SH3RF3: variants seen among roughly 807,000 people sequenced by gnomAD.
The protein encoded by SH3RF3 is E3 ubiquitin-protein ligase SH3RF3.
SH3RF3 carries 29 observed loss-of-function variants against 66.3 expected under a neutral mutation model. That is an observed-to-expected ratio of 0.44 (90% confidence interval 0.33 to 0.60). The LOEUF (loss-of-function observed/expected upper bound fraction) is 0.60. SH3RF3 is among the 20% of genes least tolerant of loss of function. The pLI, the probability that SH3RF3 is intolerant of heterozygous loss-of-function variation, is 0.04. For synonymous variants in SH3RF3, 583 were observed against 532.0 expected (o/e 1.10, Z -1.32); for missense variants, 1,194 against 1,190.9 (o/e 1.00, Z -0.04).
intron 9 of SH3RF3, among the ~76,000 whole-genome samples, chr2:109,494,118 A>G (rs1679197227): frequency 6.6e-6 from 1 of 152,186 alleles, no homozygotes; most frequent in African/African-American, 2.4e-5. Flanking sequence ...CTTCTTCCCC[A>G]GACCCCTCAA....
intron 4 of SH3RF3, among the ~76,000 whole-genome samples, chr2:109,415,402 A>C (rs2104503999): frequency 6.6e-6 from 1 of 152,204 alleles, no homozygotes; most frequent in South Asian, 2.1e-4. Flanking sequence ...TTCCAGGGGG[A>C]GTGCTCAGAG....
chr2:109,323,348 T>C (rs1682074558), intron 1 of SH3RF3, among the ~76,000 whole-genome samples: 1 of 152,210 alleles, frequency 6.6e-6, no homozygotes, highest in Non-Finnish European at 1.5e-5. Flanking sequence ...GATACCTGTA[T>C]GACTCCAGCT....
chr2:109,347,746 A>G lies in SH3RF3; in HGVS notation c.646A>G (p.Asn216Asp). Residue 216 changes from asparagine to aspartate, a missense_variant, in exon 2 of 10, where the codon AAC becomes GAC. Asn to Asp is a conservative substitution (Grantham distance 23, BLOSUM62 1). Transcript: ENST00000309415. ...EGKEPGDLKF[N>D]KGDIIVLRRK... ...GAAGGAACCTGGTGACCTCAAGTTC[A>G]ACAAGGGGGACATCATCGTCCTGCG... 1.2e-6 allele frequency: 2 copies of G among 1,613,948 alleles called. No individual in the cohort carries two copies. The highest frequency in any genetic ancestry group is 2.2e-5 in the South Asian group (2 of 91,084).
chr2:109,237,386 G>A (rs911459325), intron 1 of SH3RF3, among the ~76,000 whole-genome samples: 3 of 152,136 alleles, frequency 2.0e-5, no homozygotes, highest in Admixed American at 1.3e-4. Context: ...GTAACAAAGA[G>A]TATAAAAAAG....
chr2:109,485,192 TG>T (rs1440806018), intron 8 of SH3RF3, among the ~76,000 whole-genome samples: 1 of 152,220 alleles, frequency 6.6e-6, no homozygotes, highest in Non-Finnish European at 1.5e-5. Context: ...TCTTAAATAT[TG>T]CCTGAGGCAA....
intron 1 of SH3RF3, among the ~76,000 whole-genome samples, chr2:109,148,686 G>A (rs1677154711): frequency 6.6e-6 from 1 of 152,216 alleles, no homozygotes; most frequent in Admixed American, 6.5e-5. Flanking sequence ...ATGCTGAAAA[G>A]TGCATTCATG....
intron 8 of SH3RF3, among the ~76,000 whole-genome samples, chr2:109,471,516 G>A (rs1042541524): frequency 6.6e-6 from 1 of 152,090 alleles, no homozygotes; most frequent in African/African-American, 2.4e-5. Flanking sequence ...TGACACATGG[G>A]GATTACAATT....
chr2:109,279,614 T>C (rs959967357), intron 1 of SH3RF3, among the ~76,000 whole-genome samples: 1 of 152,148 alleles, frequency 6.6e-6, no homozygotes, highest in Admixed American at 6.5e-5. Context: ...ATACCTTTCT[T>C]CCCCACCCCT....
intron 2 of SH3RF3, among the ~76,000 whole-genome samples, chr2:109,351,519 T>C (rs1682836985): frequency 6.6e-6 from 1 of 152,264 alleles, no homozygotes; most frequent in African/African-American, 2.4e-5. Context: ...AAGGGTTTAT[T>C]GAACCTCTTC....
chr2:109,325,408 C>A (rs1057436551), intron 1 of SH3RF3, among the ~76,000 whole-genome samples: 1 of 122,888 alleles, frequency 8.1e-6, no homozygotes, highest in African/African-American at 3.1e-5. Context: ...GTGGTGTGAT[C>A]ATGGCTCACT....
chr2:109,321,279 T>C (rs1055066555), intron 1 of SH3RF3, among the ~76,000 whole-genome samples: 2 of 152,212 alleles, frequency 1.3e-5, no homozygotes, highest in Non-Finnish European at 2.9e-5. Flanking sequence ...CGCCATTCCT[T>C]TATTGTCTTG....
chr2:109,208,995 A>G (rs2105098673), intron 1 of SH3RF3, among the ~76,000 whole-genome samples: 1 of 152,340 alleles, frequency 6.6e-6, no homozygotes, highest in South Asian at 2.1e-4. Flanking sequence ...CAGAGGCCCG[A>G]CATCAACACG....
intron 1 of SH3RF3, among the ~76,000 whole-genome samples, chr2:109,172,029 G>A (rs974697875): frequency 3.9e-5 from 6 of 152,230 alleles, no homozygotes; most frequent in Non-Finnish European, 8.8e-5. Context: ...CAGCACTGTG[G>A]GCTCCATGAG....
At chr2:109,389,403 C>T (rs1453097013) in intron 3 of SH3RF3, among the ~76,000 whole-genome samples, 1 of 152,246 alleles carries the variant, frequency 6.6e-6, no homozygotes, top group Non-Finnish European at 1.5e-5. Context: ...AGTGACACTG[C>T]ATTTGACATC....
chr2:109,279,580 TG>T (rs1200624497), intron 1 of SH3RF3, among the ~76,000 whole-genome samples: 1 of 152,222 alleles, frequency 6.6e-6, no homozygotes, highest in Non-Finnish European at 1.5e-5. Flanking sequence ...AGTTGCCTAG[TG>T]GGTGGGATTT....
intron 1 of SH3RF3, among the ~76,000 whole-genome samples, chr2:109,217,320 T>C (rs1679121253): frequency 6.6e-6 from 1 of 152,196 alleles, no homozygotes; most frequent in South Asian, 2.1e-4. Flanking sequence ...CCTTGGTTGT[T>C]CTCTTTGTAG....
intron 9 of SH3RF3, among the ~76,000 whole-genome samples, chr2:109,493,879 A>G (rs963812755): frequency 1.3e-5 from 2 of 151,958 alleles, no homozygotes; most frequent in Non-Finnish European, 2.9e-5. Context: ...CACAACACAC[A>G]CCCACCTTCT....
At chr2:109,133,445 A>G (rs983643089) in intron 1 of SH3RF3, among the ~76,000 whole-genome samples, 4 of 152,222 alleles carry the variant, frequency 2.6e-5, no homozygotes, top group Non-Finnish European at 4.4e-5. Flanking sequence ...ATACACGTGT[A>G]TGATTCTTCC....
At chr2:109,436,077 C>T (rs533067222) in intron 6 of SH3RF3, among the ~76,000 whole-genome samples, 42 of 152,104 alleles carry the variant, frequency 2.8e-4, no homozygotes, top group Non-Finnish European at 4.3e-4. Context: ...GCACAGGAGA[C>T]GGGGCAGGCA....
Sources: gnomAD v4.1 joint callset for allele counts (sites outside exome capture counted in the v4.1 genomes callset) on GRCh38, gnomAD v4.1.1 for gene constraint, MANE v1.5 for transcripts, NCBI Gene and HGNC (gene_info 2026-07-23, HGNC 2026-07-21) for gene names.